Variants in SMC2 observed in about 807,000 individuals in gnomAD.
SMC2 encodes the protein structural maintenance of chromosomes 2, also known as structural maintenance of chromosomes protein 2.
SMC2 carries 41 observed loss-of-function variants against 142.6 expected under a neutral mutation model. That is an observed-to-expected ratio of 0.29 (90% CI 0.22 to 0.37). The LOEUF (loss-of-function observed/expected upper bound fraction) is 0.37, where lower values mean the gene tolerates loss of function less well. SMC2 is among the 10% of genes least tolerant of loss of function. SMC2 has a pLI of 1.00. For synonymous variants in SMC2, 463 were observed against 457.5 expected, an observed-to-expected ratio of 1.01 and a Z score of -0.15; for missense variants, 1,265 against 1,373.7, an observed-to-expected ratio of 0.92 and a Z score of 1.25.
chr9:104,118,964 CAGAAATGA>C (rs1833428178), intron 15 of SMC2, among the ~76,000 whole-genome samples: 1 of 152,080 alleles, frequency 6.6e-6, no homozygotes, highest in Non-Finnish European at 1.5e-5. Context: ...TATACAGTTG[CAGAAATGA>C]AGATACAGAG....
At chr9:104,115,914 C>T (rs910713145) in intron 13 of SMC2, among the ~76,000 whole-genome samples, 3 of 148,660 alleles carry the variant, frequency 2.0e-5, no homozygotes, top group Non-Finnish European at 4.5e-5. Flanking sequence ...ATTTGTTCAG[C>T]TTTTTTTTTT....
At chr9:104,119,842 T>G (rs897364764) in intron 15 of SMC2, among the ~76,000 whole-genome samples, 185 bp from the exon 16 acceptor site, 1 of 152,234 alleles carries the variant, frequency 6.6e-6, no homozygotes, top group African/African-American at 2.4e-5. Flanking sequence ...CTACAACCTC[T>G]TGGATCTGTT....
intron 13 of SMC2, among the ~76,000 whole-genome samples, chr9:104,115,749 G>T (rs1833030851): frequency 6.6e-6 from 1 of 151,932 alleles, no homozygotes. Flanking sequence ...TCAGTATATA[G>T]TATTAATTAT....
chr9:104,137,866 G>A (rs1459437426), intron 23 of SMC2, 152 bp from the exon 24 acceptor site: 6,796 of 441,410 alleles, frequency 0.015, 401 homozygotes, highest in African/African-American at 0.13. Flanking sequence ...CAACAAAAGT[G>A]TTAAAGTTTG....
At chr9:104,100,057 C>A in intron 5 of SMC2, 36 bp from the exon 6 acceptor site, 1 of 1,168,828 alleles carries the variant, frequency 8.6e-7, no homozygotes, top group Non-Finnish European at 1.2e-6. Flanking sequence ...GACACATTGT[C>A]TTGGATACTA....
At chr9:104,132,187 A>T in intron 22 of SMC2, 62 bp downstream of exon 22, 1 of 842,146 alleles carries the variant, frequency 1.2e-6, no homozygotes, top group Non-Finnish European at 2.0e-6. Context: ...CAGTGGAGTT[A>T]TACTCTATAA....
rs1419871046 is a variant in SMC2 at position 104,140,829 on chromosome 9, G to C, written c.*1514G>C. The C allele has an allele frequency of 6.6e-6, 1 of 152,288 alleles. No individual in the cohort carries two copies. The highest frequency in any genetic ancestry group is 1.5e-5 in the Non-Finnish European group (1 of 68,024). 9.4% of individuals were successfully genotyped at this position (152,288 alleles called of 1,614,324 possible). Reference sequence around the variant, plus strand: ...ATAGTATACAAATTAGTCAGTACTTGCTGTTAATTTTAATATTTCTGATTT... The same window carrying C: ...ATAGTATACAAATTAGTCAGTACTTCCTGTTAATTTTAATATTTCTGATTT... On this transcript the variant is annotated 3_prime_UTR_variant, in exon 25 of 25. Coordinates refer to ENST00000374793, the MANE Select transcript of SMC2 (RefSeq NM_006444.3).
intron 19 of SMC2, 130 bp downstream of exon 19, chr9:104,126,914 C>G: frequency 2.2e-6 from 2 of 926,052 alleles, no homozygotes; most frequent in South Asian, 1.8e-5. Flanking sequence ...GCACAAATAG[C>G]TTTTACTCAT....
chr9:104,130,459 G>A (rs547244626), intron 21 of SMC2, among the ~76,000 whole-genome samples: 55 of 151,924 alleles, frequency 3.6e-4, no homozygotes, highest in African/African-American at 1.3e-3. Flanking sequence ...TTATATTAAT[G>A]CCCCTATTAA....
At chr9:104,098,947 G>C (rs923049204) in intron 4 of SMC2, among the ~76,000 whole-genome samples, 2 of 152,000 alleles carry the variant, frequency 1.3e-5, no homozygotes, top group African/African-American at 4.8e-5. Flanking sequence ...CAAATGAGGA[G>C]TAAAGGCTGA....
intron 18 of SMC2, 24 bp downstream of exon 18, chr9:104,125,129 A>T (rs1212732556): frequency 9.2e-6 from 14 of 1,529,556 alleles, no homozygotes; most frequent in Non-Finnish European, 1.2e-5. Context: ...TTTGAAATTG[A>T]ACCAACCTTT....
chr9:104,115,608 C>A (rs141818305), intron 13 of SMC2, among the ~76,000 whole-genome samples: 1 of 151,582 alleles, frequency 6.6e-6, no homozygotes, highest in Non-Finnish European at 1.5e-5. Context: ...AAAAAACAAA[C>A]GTACAAGATG....
chr9:104,125,144 G>GTCAACATAGAGCTGA, intron 18 of SMC2, 39 bp downstream of exon 18: 2 of 1,439,286 alleles, frequency 1.4e-6, no homozygotes, highest in Non-Finnish European at 1.9e-6. Flanking sequence ...ACCTTTTAAA[G>GTCAACATAGAGCTGA]TCAACATAGA....
At chr9:104,116,923 TCATAA>T (rs560543835) in intron 14 of SMC2, among the ~76,000 whole-genome samples, 146 of 152,310 alleles carry the variant, frequency 9.6e-4, no homozygotes, top group African/African-American at 3.4e-3. Flanking sequence ...ATGAAGTCAG[TCATAA>T]CATTCAGCTG....
chr9:104,099,897 G>A (rs966554394), intron 5 of SMC2, among the ~76,000 whole-genome samples, 196 bp from the exon 6 acceptor site: 5 of 152,020 alleles, frequency 3.3e-5, no homozygotes, highest in Non-Finnish European at 4.4e-5. Context: ...GGTGTTTCAT[G>A]TCAGAATTCA....
At chr9:104,105,088 T>G (rs1168959553) in intron 9 of SMC2, among the ~76,000 whole-genome samples, 1 of 152,192 alleles carries the variant, frequency 6.6e-6, no homozygotes, top group East Asian at 1.9e-4. Context: ...TGCTAACAGG[T>G]TTAGAGCAGT....
intron 6 of SMC2, 87 bp downstream of exon 6, chr9:104,100,290 C>T: frequency 7.2e-7 from 1 of 1,383,316 alleles, no homozygotes; most frequent in South Asian, 1.3e-5. Flanking sequence ...AATTTTTTTC[C>T]TTGGTTCAGT....
At chr9:104,105,679 A>G (rs1158054577) in intron 9 of SMC2, among the ~76,000 whole-genome samples, 3 of 151,976 alleles carry the variant, frequency 2.0e-5, no homozygotes, top group Non-Finnish European at 4.4e-5. Context: ...CATTTTTAGC[A>G]CCCTTTTATG....
chr9:104,127,582 T>C, intron 20 of SMC2, 102 bp downstream of exon 20: 1 of 791,200 alleles, frequency 1.3e-6, no homozygotes, highest in Non-Finnish European at 1.8e-6. Context: ...TAAATATAAA[T>C]GGCAAAATTA....
Sources: gnomAD v4.1 joint callset for allele counts (sites outside exome capture counted in the v4.1 genomes callset) on GRCh38, gnomAD v4.1.1 for gene constraint, MANE v1.5 for transcripts, NCBI Gene and HGNC (gene_info 2026-07-23, HGNC 2026-07-21) for gene names.